RSPO3: variants seen among roughly 807,000 people sequenced by gnomAD.
The protein encoded by RSPO3 is R-spondin 3.
Under a neutral mutation model 36.5 loss-of-function variants are expected in RSPO3, and 17 were observed. That is an observed-to-expected ratio of 0.47 (90% confidence interval 0.32 to 0.70). The LOEUF is 0.70. Ranked by LOEUF, RSPO3 falls within the 30% of genes least tolerant of loss-of-function variation. RSPO3 has a pLI of 0.04. For missense variants in RSPO3, 294 were observed against 322.5 expected (o/e 0.91, Z 0.68); for synonymous variants, 108 against 107.0 (o/e 1.01, Z -0.06).
At chr6:127,126,462 G>A (rs1014414958) in intron 1 of RSPO3, among the ~76,000 whole-genome samples, 14 of 151,954 alleles carry the variant, frequency 9.2e-5, no homozygotes, top group African/African-American at 3.4e-4. Context: ...GTTTTTTATG[G>A]TTTTTATAAT....
Position 127,138,807 on chromosome 6 carries a change from G to T in RSPO3, c.98-9841G>T, listed in dbSNP as rs533595376. Among the ~76,000 whole-genome samples, 66 of 152,240 alleles carry T rather than the reference G, an allele frequency of 4.3e-4. No homozygotes were observed. In the South Asian group the frequency reaches 0.01, roughly 23 times the overall value. On this transcript the variant is annotated intron_variant, in intron 1 of 4. Transcript: ENST00000356698. The stretch of plus-strand genomic sequence containing the variant: ...TGCTCACCTACTAGAACACTGTGTG[G>T]ATGTTGAATAATTTAATTTTTTAAA...
At chr6:127,180,512 A>T (rs956345095) in intron 4 of RSPO3, among the ~76,000 whole-genome samples, 2 of 150,304 alleles carry the variant, frequency 1.3e-5, no homozygotes, top group African/African-American at 4.9e-5. Flanking sequence ...AAAAAAAAAA[A>T]AAACCACCAG....
At chr6:127,174,361 G>A (rs1049218304) in intron 4 of RSPO3, among the ~76,000 whole-genome samples, 3 of 151,932 alleles carry the variant, frequency 2.0e-5, no homozygotes, top group African/African-American at 4.8e-5. Flanking sequence ...ATAGAAAAAC[G>A]AACAAATTTG....
chr6:127,183,756 C>T (rs1274249947), intron 4 of RSPO3, among the ~76,000 whole-genome samples: 1 of 151,952 alleles, frequency 6.6e-6, no homozygotes, highest in Non-Finnish European at 1.5e-5. Context: ...TCCCCTTGTG[C>T]ACAAAATTAT....
chr6:127,179,068 T>C lies in RSPO3; in HGVS notation c.635-16755T>C, dbSNP rs142357848. Among the ~76,000 whole-genome samples, 34 of 152,016 alleles carry C rather than the reference T, an allele frequency of 2.2e-4. No homozygotes were observed. In the East Asian group the frequency reaches 6.2e-3, roughly 28 times the overall value. The stretch of plus-strand genomic sequence containing the variant: ...GTCTTAAAGTTGATCTTGCAGATGA[T>C]ATAGTCCAGATGAATTTCTGCTTAA... On this transcript the variant is annotated intron_variant, in intron 4 of 4. Transcript: ENST00000356698.
At chr6:127,194,851 G>T (rs1775482161) in intron 4 of RSPO3, among the ~76,000 whole-genome samples, 1 of 152,124 alleles carries the variant, frequency 6.6e-6, no homozygotes, top group Non-Finnish European at 1.5e-5. Flanking sequence ...GTATACATGT[G>T]ATAAATATCT....
rs563671341 is a variant in RSPO3 at position 127,197,545 on chromosome 6, T to G, written c.*1538T>G. 5 of 1,549,378 alleles carry G rather than the reference T, an allele frequency of 3.2e-6. No homozygotes were observed. The highest frequency in any genetic ancestry group is 4.4e-6 in the Non-Finnish European group (5 of 1,146,592). Reference sequence around the variant, plus strand: ...CAGAATCGCATGACCCACCTTAACCTTCCTGTTGTCATGGAAGGATGCACG... The same window carrying G: ...CAGAATCGCATGACCCACCTTAACCGTCCTGTTGTCATGGAAGGATGCACG... On this transcript the variant is annotated 3_prime_UTR_variant, in exon 5 of 5. Coordinates refer to ENST00000356698, the MANE Select transcript of RSPO3 (RefSeq NM_032784.5).
intron 4 of RSPO3, among the ~76,000 whole-genome samples, chr6:127,166,109 C>T (rs938841453): frequency 6.6e-6 from 1 of 151,848 alleles, no homozygotes; most frequent in African/African-American, 2.4e-5. Flanking sequence ...TTTGACTTTT[C>T]TTTCTGTGTC....
Position 127,197,064 on chromosome 6 carries a change from T to G in RSPO3, c.*1057T>G, listed in dbSNP as rs1775528600. 5.7e-6 allele frequency: 1 copy of G among 175,394 alleles called. No individual in the cohort carries two copies. Among genetic ancestry groups the G allele is most frequent in the African/African-American group, 2.4e-5 (1 of 42,022 alleles). The allele number at this position is 175,394 out of a possible 1,614,324, so 10.9% of individuals were successfully genotyped here. On this transcript the variant is annotated 3_prime_UTR_variant, in exon 5 of 5. Coordinates refer to ENST00000356698, the MANE Select transcript of RSPO3 (RefSeq NM_032784.5). The stretch of plus-strand genomic sequence containing the variant: ...AGTTTTGTTCACTCTGTTTTATTGT[T>G]TGTTTTATTGAGAAATTCTTACTCT...
intron 3 of RSPO3, among the ~76,000 whole-genome samples, chr6:127,154,288 T>C (rs4382293): frequency 0.55 from 83,567 of 151,982 alleles, 23,122 homozygotes; most frequent in African/African-American, 0.62. Flanking sequence ...CTAGCTGTTG[T>C]TATACATTAG....
At chr6:127,187,728 A>C (rs1044307240) in intron 4 of RSPO3, among the ~76,000 whole-genome samples, 2 of 152,158 alleles carry the variant, frequency 1.3e-5, no homozygotes, top group Admixed American at 6.5e-5. Context: ...TCTGAAGAAA[A>C]AATTACTTAT....
chr6:127,133,715 A>G (rs995901315), intron 1 of RSPO3, among the ~76,000 whole-genome samples: 8 of 152,170 alleles, frequency 5.3e-5, no homozygotes, highest in African/African-American at 1.9e-4. Flanking sequence ...ATTTTTAAAA[A>G]GCTAACAAGG....
At chr6:127,125,152 A>C (rs1050456284) in intron 1 of RSPO3, among the ~76,000 whole-genome samples, 3 of 152,236 alleles carry the variant, frequency 2.0e-5, no homozygotes, top group Non-Finnish European at 1.5e-5. Flanking sequence ...TTTTAGAGAA[A>C]ATTCATTGGT....
At chr6:127,124,528 T>C (rs1428875950) in intron 1 of RSPO3, among the ~76,000 whole-genome samples, 1 of 151,418 alleles carries the variant, frequency 6.6e-6, no homozygotes, top group Admixed American at 6.6e-5. Flanking sequence ...TTGAAAATAA[T>C]AATTTGAAAA....
chr6:127,192,467 G>A (rs1202142773), intron 4 of RSPO3, among the ~76,000 whole-genome samples: 1 of 152,108 alleles, frequency 6.6e-6, no homozygotes, highest in African/African-American at 2.4e-5. Flanking sequence ...TCAACAACTT[G>A]CCAGAGTTCA....
chr6:127,129,911 C>T (rs547717609), intron 1 of RSPO3, among the ~76,000 whole-genome samples: 4 of 152,174 alleles, frequency 2.6e-5, no homozygotes, highest in African/African-American at 9.6e-5. Flanking sequence ...TTCTTGTAAA[C>T]ATCCTTAGGT....
At chr6:127,135,825 G>T (rs1009522933) in intron 1 of RSPO3, among the ~76,000 whole-genome samples, 1 of 151,840 alleles carries the variant, frequency 6.6e-6, no homozygotes, top group Non-Finnish European at 1.5e-5. Context: ...TACTGTGGGG[G>T]CTGAAGTGAG....
chr6:127,163,985 T>C (rs1774762604), intron 4 of RSPO3, among the ~76,000 whole-genome samples: 2 of 152,078 alleles, frequency 1.3e-5, no homozygotes, highest in African/African-American at 2.4e-5. Flanking sequence ...TCATTCCTCA[T>C]TGTTTGTCGG....
At position 127,197,123 on chromosome 6, in the gene RSPO3, TA is replaced by T. The variant is rs1376472371; in HGVS notation, c.*1118del. On this transcript the variant is annotated 3_prime_UTR_variant, in exon 5 of 5. Coordinates refer to ENST00000356698, the MANE Select transcript of RSPO3 (RefSeq NM_032784.5). ...CATGAATTAAGAAAGAGAATTCTGC[TA>T]ACTCAGAGAACCTGGTTCCTATGTA... The T allele has an allele frequency of 4.2e-6, 1 of 240,658 alleles. No individual in the cohort carries two copies. The highest frequency in any genetic ancestry group is 8.1e-6 in the Non-Finnish European group (1 of 123,450). The allele number at this position is 240,658 out of a possible 1,614,324, so 14.9% of individuals were successfully genotyped here. A position where few individuals can be genotyped will look rare whatever the true frequency, so the allele number is the denominator to read the frequency against.
Sources: allele counts gnomAD v4.1 joint callset (sites outside exome capture counted in the v4.1 genomes callset), GRCh38; gene constraint gnomAD v4.1.1; transcripts MANE v1.5; gene names NCBI Gene and HGNC (gene_info 2026-07-23, HGNC 2026-07-21).